MECOM: variants seen among roughly 807,000 people sequenced by gnomAD.
The protein encoded by MECOM is MDS1 and EVI1 complex locus, also known as histone-lysine N-methyltransferase MECOM.
A neutral mutation model predicts 116.3 loss-of-function variants in MECOM; 13 were observed. That is an observed-to-expected ratio of 0.11 (90% CI 0.07 to 0.18). MECOM has a LOEUF of 0.18. Ranked by LOEUF, MECOM falls within the 10% of genes least tolerant of loss-of-function variation. The pLI is 1.00. For missense variants in MECOM, 1,299 were observed against 1,509.0 expected (o/e 0.86, Z 2.31); for synonymous variants, 528 against 535.2 (o/e 0.99, Z 0.19).
intron 8 of MECOM, among the ~76,000 whole-genome samples, chr3:169,114,533 G>T (rs533038257): frequency 5.3e-5 from 8 of 152,082 alleles, no homozygotes; most frequent in African/African-American, 1.9e-4. Flanking sequence ...AAAATACTCC[G>T]ATGTTAAATA....
intron 1 of MECOM, among the ~76,000 whole-genome samples, chr3:169,448,796 G>C (rs1236089632): frequency 6.6e-6 from 1 of 152,118 alleles, no homozygotes; most frequent in Non-Finnish European, 1.5e-5. Context: ...GAGATCAACT[G>C]TTCGGTGGTT....
intron 6 of MECOM, 44 bp downstream of exon 6, chr3:169,122,536 C>G (rs1731375085): frequency 6.2e-7 from 1 of 1,608,244 alleles, no homozygotes; most frequent in Admixed American, 1.7e-5. Flanking sequence ...TAAGAGAGAG[C>G]AGGATGACAT....
At chr3:169,185,548 C>T (rs114011398) in intron 2 of MECOM, among the ~76,000 whole-genome samples, 2,867 of 152,206 alleles carry the variant, frequency 0.019, 90 homozygotes, top group African/African-American at 0.065. Context: ...ACTATTTGCT[C>T]ATGAAGAAAG....
At chr3:169,209,876 T>A (rs1750484409) in intron 2 of MECOM, among the ~76,000 whole-genome samples, 1 of 152,292 alleles carries the variant, frequency 6.6e-6, no homozygotes, top group Middle Eastern at 3.4e-3. Flanking sequence ...AGAATATAAA[T>A]CATTCTTCTA....
rs1185734511 is a variant in MECOM at position 169,378,442 on chromosome 3, AAAGAAAGAAGGAAAGC to A, written c.375+2729_375+2744del. 8.7e-4 allele frequency among the ~76,000 whole-genome samples: 74 copies of A among 85,236 alleles called. 7 individuals carry two copies. Among genetic ancestry groups the A allele is most frequent in the African/African-American group, 3.0e-3 (39 of 12,898 alleles). The allele number at this position is 85,236 out of a possible 152,430, so 55.9% of individuals were successfully genotyped here. A position where few individuals can be genotyped will look rare whatever the true frequency, so the allele number is the denominator to read the frequency against. ...GAAAGAAAGAAAGAAAGAAAGAAAG[AAAGAAAGAAGGAAAGC>A]AAGCAAGCAAGCAAGCAAGAAAGAG... On this transcript the variant is annotated intron_variant, in intron 2 of 16. Transcript: ENST00000651503.
At chr3:169,560,349 G>A (rs1762499921) in intron 1 of MECOM, among the ~76,000 whole-genome samples, 2 of 152,082 alleles carry the variant, frequency 1.3e-5, no homozygotes, top group Admixed American at 1.3e-4. Flanking sequence ...CTCTGCCAAA[G>A]GTGACTTAGA....
intron 1 of MECOM, among the ~76,000 whole-genome samples, chr3:169,626,867 A>G (rs1038078031): frequency 1.3e-5 from 2 of 150,598 alleles, no homozygotes; most frequent in Non-Finnish European, 3.0e-5. Flanking sequence ...TCTTTTTCCC[A>G]AACTCTCAAA....
intron 2 of MECOM, among the ~76,000 whole-genome samples, chr3:169,161,287 C>T (rs933742339): frequency 6.6e-6 from 1 of 152,092 alleles, no homozygotes; most frequent in Non-Finnish European, 1.5e-5. Context: ...AAGACCAACC[C>T]TAATATAAGT....
intron 1 of MECOM, among the ~76,000 whole-genome samples, chr3:169,596,907 A>G (rs1767212022): frequency 6.6e-6 from 1 of 152,122 alleles, no homozygotes; most frequent in Admixed American, 6.5e-5. Flanking sequence ...ACACATTAGC[A>G]TTTTTTTCTT....
At chr3:169,260,252 CT>C (rs1757381463) in intron 2 of MECOM, among the ~76,000 whole-genome samples, 1 of 151,938 alleles carries the variant, frequency 6.6e-6, no homozygotes, top group South Asian at 2.1e-4. Context: ...TAAAATTTAC[CT>C]TTTTAAAAAA....
intron 2 of MECOM, among the ~76,000 whole-genome samples, chr3:169,274,522 G>T (rs980561538): frequency 6.6e-5 from 10 of 152,096 alleles, no homozygotes; most frequent in African/African-American, 2.4e-4. Flanking sequence ...CTGGAGAATA[G>T]GGTTTGAATT....
intron 2 of MECOM, among the ~76,000 whole-genome samples, chr3:169,282,516 G>A (rs1265967652): frequency 3.3e-5 from 5 of 152,074 alleles, no homozygotes; most frequent in African/African-American, 1.2e-4. Flanking sequence ...TTATTAAATA[G>A]ACCACTTTTA....
chr3:169,257,051 TG>T (rs1756956823), intron 2 of MECOM, among the ~76,000 whole-genome samples: 1 of 152,200 alleles, frequency 6.6e-6, no homozygotes, highest in Non-Finnish European at 1.5e-5. Flanking sequence ...AACTTGTAAG[TG>T]GTCCAAAAAT....
At position 169,147,095 on chromosome 3, in the gene MECOM, T is replaced by C. The variant is rs1036911219; in HGVS notation, c.376-3263A>G. On this transcript the variant is annotated intron_variant, in intron 2 of 16. Transcript: ENST00000651503. ...CCTAAATGAGCTCGGAGCTATTCCT[T>C]CTGGTTCACATCACCTCCCTCTTTT... 8 of 987,020 alleles carry C rather than the reference T, an allele frequency of 8.1e-6. No individual in the cohort carries two copies. In the African/African-American group the frequency reaches 8.7e-5, roughly 11 times the overall value. 61.1% of individuals were successfully genotyped at this position (987,020 alleles called of 1,614,324 possible).
At chr3:169,199,722 A>C (rs1362074855) in intron 2 of MECOM, among the ~76,000 whole-genome samples, 1 of 152,104 alleles carries the variant, frequency 6.6e-6, no homozygotes, top group Non-Finnish European at 1.5e-5. Flanking sequence ...AATGATCAAT[A>C]AAATTCTTAT....
At chr3:169,216,573 C>G (rs149843112) in intron 2 of MECOM, among the ~76,000 whole-genome samples, 2,381 of 137,110 alleles carry the variant, frequency 0.017, 27 homozygotes, top group Non-Finnish European at 0.027. Flanking sequence ...CAAACCTTCT[C>G]TAGTAAAAAA....
intron 1 of MECOM, among the ~76,000 whole-genome samples, chr3:169,422,879 T>C (rs1739997393): frequency 6.6e-6 from 1 of 152,098 alleles, no homozygotes; most frequent in South Asian, 2.1e-4. Context: ...AATAAAATAC[T>C]ACCAATTTTG....
chr3:169,229,114 G>A (rs565511016), intron 2 of MECOM, among the ~76,000 whole-genome samples: 2 of 152,266 alleles, frequency 1.3e-5, no homozygotes, highest in Admixed American at 6.5e-5. Flanking sequence ...TCAATGGTCC[G>A]TTTACTTACA....
intron 1 of MECOM, among the ~76,000 whole-genome samples, chr3:169,442,643 TAA>T (rs1369690725): frequency 6.6e-6 from 1 of 152,058 alleles, no homozygotes; most frequent in East Asian, 1.9e-4. Context: ...AGTGGAAGAA[TAA>T]AGACATCAAA....
Sources: allele counts gnomAD v4.1 joint callset (sites outside exome capture counted in the v4.1 genomes callset), GRCh38; gene constraint gnomAD v4.1.1; transcripts MANE v1.5; gene names NCBI Gene and HGNC (gene_info 2026-07-23, HGNC 2026-07-21).